B3GALT1: variants seen among roughly 807,000 people sequenced by gnomAD.
B3GALT1 encodes UDP-Gal:betaGlcNAc beta 1,3-galactosyltransferase, polypeptide 1.
In B3GALT1, 10 loss-of-function variants were observed where a neutral mutation model predicts 23.2. The ratio of observed to expected loss-of-function variants is 0.43; its 90% CI spans 0.27 to 0.73. The LOEUF (loss-of-function observed/expected upper bound fraction) is 0.73. B3GALT1 is among the 30% of genes least tolerant of loss of function. The probability of loss-of-function intolerance (pLI) is 0.21; values close to 1 mark genes in which losing one functional copy is unlikely to be tolerated. For synonymous variants in B3GALT1, 156 were observed against 141.5 expected (o/e 1.10, Z -0.73); for missense variants, 299 against 405.4 (o/e 0.74, Z 2.25).
At position 167,454,059 on chromosome 2, in the gene B3GALT1, A is replaced by AT; in HGVS notation, c.-510-36112dup. ...CTGATTTTTGTATCTGTGCACTGAG[A>AT]TTTTTTCATAATCATGTCTAGGTTG... is the stretch of plus-strand genomic sequence containing the variant. On this transcript the variant is annotated intron_variant, in intron 1 of 4. Coordinates refer to ENST00000392690, the MANE Select transcript of B3GALT1 (RefSeq NM_020981.4). Among the ~76,000 whole-genome samples the AT allele has an allele frequency of 2.6e-5, 4 of 152,176 alleles. No individual in the cohort carries two copies. In the East Asian group the frequency reaches 5.8e-4, roughly 22 times the overall value.
rs1220351011 is a variant in B3GALT1 at position 167,873,173 on chromosome 2, T to G, written c.*3153T>G. ...CTCAGACAATTTTTACAAAAACTCT[T>G]TTTTTCCATTATGCACTGGATAATA... On this transcript the variant is annotated 3_prime_UTR_variant, in exon 5 of 5. Coordinates refer to ENST00000392690, the MANE Select transcript of B3GALT1 (RefSeq NM_020981.4). 6.6e-6 allele frequency: 1 copy of G among 152,168 alleles called. No homozygotes were observed. The highest frequency in any genetic ancestry group is 1.5e-5 in the Non-Finnish European group (1 of 68,032). The allele number at this position is 152,168 out of a possible 1,614,324, so 9.4% of individuals were successfully genotyped here.
intron 3 of B3GALT1, among the ~76,000 whole-genome samples, chr2:167,730,617 T>C (rs899803102): frequency 4.6e-5 from 7 of 152,190 alleles, no homozygotes; most frequent in South Asian, 2.1e-4. Flanking sequence ...CCAGACCCCG[T>C]GTCCTTTATA....
chr2:167,653,203 T>C (rs1685896307), intron 3 of B3GALT1, among the ~76,000 whole-genome samples: 1 of 152,206 alleles, frequency 6.6e-6, no homozygotes, highest in Non-Finnish European at 1.5e-5. Flanking sequence ...GTGGCAGTTG[T>C]TGATTTATCA....
At chr2:167,455,661 C>T (rs1456159987) in intron 1 of B3GALT1, among the ~76,000 whole-genome samples, 5 of 152,016 alleles carry the variant, frequency 3.3e-5, no homozygotes, top group East Asian at 3.9e-4. Context: ...TACAGGCACA[C>T]ACCACCACAC....
intron 2 of B3GALT1, among the ~76,000 whole-genome samples, chr2:167,574,996 C>T (rs1181337834): frequency 6.6e-6 from 1 of 151,722 alleles, no homozygotes; most frequent in Non-Finnish European, 1.5e-5. Context: ...AGCATAATGT[C>T]TCTAGAATTA....
intron 1 of B3GALT1, among the ~76,000 whole-genome samples, chr2:167,455,260 C>T (rs944874004): frequency 1.4e-4 from 21 of 152,096 alleles, no homozygotes; most frequent in African/African-American, 4.6e-4. Flanking sequence ...CCAACTGGAA[C>T]GAGATTAGCT....
At chr2:167,762,224 A>G (rs1321602527) in intron 3 of B3GALT1, among the ~76,000 whole-genome samples, 1 of 152,198 alleles carries the variant, frequency 6.6e-6, no homozygotes, top group Non-Finnish European at 1.5e-5. Flanking sequence ...GCACAATGAC[A>G]TGTCACTTGA....
chr2:167,495,287 G>C (rs1209388403), intron 2 of B3GALT1, among the ~76,000 whole-genome samples: 1 of 147,540 alleles, frequency 6.8e-6, no homozygotes, highest in Non-Finnish European at 1.5e-5. Context: ...AGGTGATGAA[G>C]AAGAGGTGCC....
intron 3 of B3GALT1, among the ~76,000 whole-genome samples, chr2:167,763,474 A>G (rs1053557713): frequency 1.3e-5 from 2 of 152,254 alleles, no homozygotes; most frequent in African/African-American, 4.8e-5. Flanking sequence ...GAGAAAAATT[A>G]TGGTCCATTC....
rs898434338 is a variant in B3GALT1, at chr2:167,448,557, G to T, written c.-510-41620G>T. ...GATTGTGAAGATTTTCTCTCACTCTGTGGTTTGTCTGTTTACTCTGCTGAT... is the reference window on the plus strand; with the variant it reads ...GATTGTGAAGATTTTCTCTCACTCTTTGGTTTGTCTGTTTACTCTGCTGAT... On this transcript the variant is annotated intron_variant, in intron 1 of 4. Transcript: ENST00000392690. 2.0e-5 allele frequency among the ~76,000 whole-genome samples: 3 copies of T among 152,126 alleles called. No homozygotes were observed. In the East Asian group the frequency reaches 5.8e-4, roughly 29 times the overall value.
intron 3 of B3GALT1, among the ~76,000 whole-genome samples, chr2:167,741,787 C>CA (rs1185795074): frequency 6.6e-6 from 1 of 152,050 alleles, no homozygotes; most frequent in African/African-American, 2.4e-5. Flanking sequence ...TACTGGGAAC[C>CA]AAAATCTTGA....
chr2:167,740,309 T>C (rs1687559841), intron 3 of B3GALT1, among the ~76,000 whole-genome samples: 1 of 152,070 alleles, frequency 6.6e-6, no homozygotes, highest in African/African-American at 2.4e-5. Context: ...GAAGCATATA[T>C]TTTAATTTGT....
chr2:167,512,551 TA>T (rs1270997294), intron 2 of B3GALT1, among the ~76,000 whole-genome samples: 1 of 90,840 alleles, frequency 1.1e-5, no homozygotes, highest in Non-Finnish European at 1.9e-5. Flanking sequence ...TATATGTATA[TA>T]TATGTATATA....
intron 1 of B3GALT1, among the ~76,000 whole-genome samples, chr2:167,362,516 A>G (rs949075519): frequency 6.6e-6 from 1 of 151,910 alleles, no homozygotes; most frequent in Non-Finnish European, 1.5e-5. Context: ...TTGATTCATT[A>G]TTTGATTTAC....
chr2:167,806,050 T>C (rs184120698), intron 3 of B3GALT1, among the ~76,000 whole-genome samples: 13 of 152,276 alleles, frequency 8.5e-5, no homozygotes, highest in Admixed American at 7.2e-4. Flanking sequence ...TCACATCCCT[T>C]GTAAGTTGGA....
intron 1 of B3GALT1, among the ~76,000 whole-genome samples, chr2:167,480,530 G>A (rs889605531): frequency 9.9e-5 from 15 of 152,244 alleles, no homozygotes; most frequent in African/African-American, 3.6e-4. Context: ...CTTTAGGCTT[G>A]CTGATTGTCA....
At chr2:167,833,259 C>G (rs1020951362) in intron 4 of B3GALT1, among the ~76,000 whole-genome samples, 32 of 152,304 alleles carry the variant, frequency 2.1e-4, no homozygotes, top group African/African-American at 7.5e-4. Context: ...CCCTTCCCTC[C>G]TTGGCTTCTT....
chr2:167,596,768 G>A (rs1045430896), intron 2 of B3GALT1, among the ~76,000 whole-genome samples: 3 of 152,166 alleles, frequency 2.0e-5, no homozygotes, highest in Non-Finnish European at 2.9e-5. Context: ...TAAAGGAAAC[G>A]TAGATGGCAC....
intron 2 of B3GALT1, among the ~76,000 whole-genome samples, chr2:167,544,111 C>T (rs1216199114): frequency 2.0e-5 from 3 of 152,158 alleles, no homozygotes; most frequent in Non-Finnish European, 4.4e-5. Context: ...ATACATGCGT[C>T]CCCCAGAAGA....
Sources: allele counts gnomAD v4.1 joint callset (sites outside exome capture counted in the v4.1 genomes callset), GRCh38; gene constraint gnomAD v4.1.1; transcripts MANE v1.5; gene names NCBI Gene and HGNC (gene_info 2026-07-23, HGNC 2026-07-21).